Variants in NLGN1 observed in about 807,000 individuals in gnomAD.
The protein encoded by NLGN1 is neuroligin 1.
Under a neutral mutation model 65.5 loss-of-function variants are expected in NLGN1, and 12 were observed. That is an observed-to-expected ratio of 0.18 (90% CI 0.12 to 0.30). The LOEUF (loss-of-function observed/expected upper bound fraction) is 0.30, where lower values mean the gene tolerates loss of function less well. Among genes scored for constraint, NLGN1 ranks in the 10% least tolerant of loss-of-function variants. The probability of loss-of-function intolerance (pLI) is 1.00; values close to 1 mark genes in which losing one functional copy is unlikely to be tolerated. For missense variants in NLGN1, 750 were observed against 1,007.1 expected (o/e 0.74, Z 3.46); for synonymous variants, 350 against 359.5 (o/e 0.97, Z 0.30).
chr3:174,087,270 C>A (rs1743604101), intron 4 of NLGN1, among the ~76,000 whole-genome samples: 1 of 152,068 alleles, frequency 6.6e-6, no homozygotes, highest in African/African-American at 2.4e-5. Flanking sequence ...ACCTTTGAAC[C>A]TAAAATAAAA....
At chr3:173,567,330 A>C (rs1309255731) in intron 2 of NLGN1, among the ~76,000 whole-genome samples, 1 of 152,124 alleles carries the variant, frequency 6.6e-6, no homozygotes, top group Non-Finnish European at 1.5e-5. Flanking sequence ...AATTGGAAAT[A>C]GTTAATAATA....
intron 3 of NLGN1, among the ~76,000 whole-genome samples, chr3:173,674,495 T>C (rs1018898454): frequency 6.6e-6 from 1 of 152,152 alleles, no homozygotes; most frequent in Non-Finnish European, 1.5e-5. Flanking sequence ...CAGTATGCTA[T>C]ATCTTGGGCT....
chr3:173,455,154 A>C (rs1722291353), intron 2 of NLGN1, among the ~76,000 whole-genome samples: 1 of 152,212 alleles, frequency 6.6e-6, no homozygotes, highest in Admixed American at 6.5e-5. Flanking sequence ...GCTATTAATA[A>C]ATACCTGAGG....
At chr3:173,529,627 A>G (rs1736213617) in intron 2 of NLGN1, among the ~76,000 whole-genome samples, 3 of 152,108 alleles carry the variant, frequency 2.0e-5, no homozygotes, top group South Asian at 2.1e-4. Context: ...CCATTTGTCC[A>G]TCTATCTCTA....
At chr3:173,773,138 C>T (rs1168836969) in intron 3 of NLGN1, among the ~76,000 whole-genome samples, 1 of 152,146 alleles carries the variant, frequency 6.6e-6, no homozygotes, top group African/African-American at 2.4e-5. Flanking sequence ...CTTCAGTCAA[C>T]ATTTGTCTGC....
intron 1 of NLGN1, among the ~76,000 whole-genome samples, chr3:173,421,036 G>T (rs906991043): frequency 6.6e-6 from 1 of 151,822 alleles, no homozygotes; most frequent in African/African-American, 2.4e-5. Context: ...TCTGTCTACT[G>T]TGTTTCTTCT....
intron 4 of NLGN1, among the ~76,000 whole-genome samples, chr3:174,001,924 A>G (rs1345208740): frequency 1.3e-5 from 2 of 152,164 alleles, no homozygotes; most frequent in Non-Finnish European, 2.9e-5. Flanking sequence ...CCAAATGACC[A>G]TAGAGCTGCA....
chr3:174,240,320 T>TTTAGA (rs5854559), intron 4 of NLGN1, among the ~76,000 whole-genome samples: 16,880 of 151,954 alleles, frequency 0.11, 1,660 homozygotes, highest in African/African-American at 0.26. Flanking sequence ...TAGATCTAAC[T>TTTAGA]TTAGAATTTT....
At chr3:174,184,651 G>GAGAAACAGA (rs1350648007) in intron 4 of NLGN1, among the ~76,000 whole-genome samples, 2 of 152,146 alleles carry the variant, frequency 1.3e-5, no homozygotes, top group African/African-American at 4.8e-5. Context: ...ACTGCTCTGA[G>GAGAAACAGA]AGAAATAGAA....
At chr3:174,263,505 C>G (rs1366684461) in intron 4 of NLGN1, among the ~76,000 whole-genome samples, 1 of 150,222 alleles carries the variant, frequency 6.7e-6, no homozygotes, top group African/African-American at 2.4e-5. Flanking sequence ...AGGATTGCAA[C>G]CCCTGCCTTT....
At chr3:173,491,342 A>G (rs963037208) in intron 2 of NLGN1, among the ~76,000 whole-genome samples, 4 of 151,810 alleles carry the variant, frequency 2.6e-5, no homozygotes, top group Non-Finnish European at 5.9e-5. Flanking sequence ...TTCTGCATCT[A>G]TTGAGATAAT....
At chr3:174,038,115 AAG>A (rs67249408) in intron 4 of NLGN1, among the ~76,000 whole-genome samples, 26,295 of 152,088 alleles carry the variant, frequency 0.17, 2,484 homozygotes, top group East Asian at 0.34. Flanking sequence ...TAAGCTAATA[AAG>A]AGAGAGAATG....
Position 174,279,163 on chromosome 3 carries a change from A to G in NLGN1, c.1162A>G (p.Asn388Asp). The G allele has an allele frequency of 6.2e-7, 1 of 1,613,434 alleles. No homozygotes were observed. The highest frequency in any genetic ancestry group is 8.5e-7 in the Non-Finnish European group (1 of 1,179,574). ...CAACTATGATATAATGTTAGGAGTG[A>G]ACCAAGGGGAAGGGTTAAAATTTGT... Residue 388 changes from asparagine (N) to aspartate (D), a missense_variant, in exon 6 of 7, where the codon AAC (asparagine) becomes GAC (aspartate). Asn to Asp is a conservative substitution (Grantham distance 23, BLOSUM62 1). Transcript: ENST00000457714. This position sits in a 1 kb window ranked among gnomAD's most constrained non-coding sequence, Gnocchi z 4.7.
chr3:173,801,494 G>C (rs1715448350), intron 3 of NLGN1, among the ~76,000 whole-genome samples: 1 of 151,912 alleles, frequency 6.6e-6, no homozygotes. Flanking sequence ...GAGTTACAAG[G>C]GAACTATGGG....
At chr3:173,653,548 C>T (rs1759537766) in intron 3 of NLGN1, among the ~76,000 whole-genome samples, 1 of 152,076 alleles carries the variant, frequency 6.6e-6, no homozygotes, top group Non-Finnish European at 1.5e-5. Flanking sequence ...CATTTATTGA[C>T]AAAAATGTTA....
chr3:173,917,382 A>C (rs974179402), intron 4 of NLGN1, among the ~76,000 whole-genome samples: 3 of 152,200 alleles, frequency 2.0e-5, no homozygotes, highest in Non-Finnish European at 4.4e-5. Context: ...TTTTGTAAAA[A>C]TGGGAACATT....
intron 3 of NLGN1, among the ~76,000 whole-genome samples, chr3:173,722,229 T>TTTC (rs1458322295): frequency 6.9e-5 from 10 of 144,812 alleles, no homozygotes; most frequent in Middle Eastern, 3.5e-3. Context: ...TTTCTTTTCT[T>TTTC]TTCTTCTTCT....
intron 4 of NLGN1, among the ~76,000 whole-genome samples, chr3:173,985,501 A>G (rs948136434): frequency 1.3e-5 from 2 of 152,174 alleles, no homozygotes; most frequent in Non-Finnish European, 2.9e-5. Context: ...GTCTATAGAA[A>G]ATATGCATTG....
At chr3:173,513,094 G>A (rs190997036) in intron 2 of NLGN1, among the ~76,000 whole-genome samples, 20 of 152,222 alleles carry the variant, frequency 1.3e-4, no homozygotes, top group African/African-American at 4.6e-4. Context: ...TCCCCTAACT[G>A]CGTTAGGCTC....
Sources: gnomAD v4.1 joint callset for allele counts (sites outside exome capture counted in the v4.1 genomes callset) on GRCh38, gnomAD v4.1.1 for gene constraint, Gnocchi (gnomAD v3.1) non-coding constraint, MANE v1.5 for transcripts, NCBI Gene and HGNC (gene_info 2026-07-23, HGNC 2026-07-21) for gene names.